CPSF6: variants seen among roughly 807,000 people sequenced by gnomAD.
CPSF6 encodes cleavage and polyadenylation specific factor 6.
Under a neutral mutation model 56.7 loss-of-function variants are expected in CPSF6, and 10 were observed. The observed-to-expected ratio is 0.18, with a 90% CI of 0.11 to 0.30. CPSF6 has a LOEUF of 0.30. Ranked by LOEUF, CPSF6 falls within the 10% of genes least tolerant of loss-of-function variation. CPSF6 has a pLI of 1.00. For synonymous variants in CPSF6, 248 were observed against 244.8 expected (o/e 1.01, Z -0.12); for missense variants, 419 against 722.9 (o/e 0.58, Z 4.82).
intron 9 of CPSF6, among the ~76,000 whole-genome samples, chr12:69,265,001 A>ATGG (rs1872906994): frequency 6.6e-6 from 1 of 152,162 alleles, no homozygotes; most frequent in Admixed American, 6.5e-5. Context: ...AGTGATGATG[A>ATGG]ATGGCTAAAA....
intron 9 of CPSF6, among the ~76,000 whole-genome samples, chr12:69,263,966 A>G (rs1404415958): frequency 6.6e-6 from 1 of 152,070 alleles, no homozygotes; most frequent in Non-Finnish European, 1.5e-5. Flanking sequence ...AATATGAGGC[A>G]AAAAAACCTT....
intron 1 of CPSF6, among the ~76,000 whole-genome samples, chr12:69,241,627 T>C (rs1871627053): frequency 6.6e-6 from 1 of 152,220 alleles, no homozygotes; most frequent in Non-Finnish European, 1.5e-5. Flanking sequence ...TGGATTCTTA[T>C]CCCTGTGCAG....
At chr12:69,248,345 A>G (rs900313277) in intron 1 of CPSF6, among the ~76,000 whole-genome samples, 4 of 152,098 alleles carry the variant, frequency 2.6e-5, no homozygotes, top group Non-Finnish European at 5.9e-5. Context: ...CTCAGACCAT[A>G]TATTGTGATT....
intron 9 of CPSF6, among the ~76,000 whole-genome samples, chr12:69,265,376 C>G (rs926872787): frequency 2.4e-4 from 37 of 152,072 alleles, no homozygotes; most frequent in African/African-American, 7.5e-4. Flanking sequence ...GGTTACGTTC[C>G]TCTTGTCACT....
At chr12:69,255,287 A>G (rs1872454607) in intron 3 of CPSF6, 1 of 152,182 alleles carries the variant, frequency 6.6e-6, no homozygotes, top group Admixed American at 6.5e-5. Flanking sequence ...CTATCAGTCG[A>G]TGGACGTCTA....
intron 1 of CPSF6, among the ~76,000 whole-genome samples, chr12:69,248,365 G>T (rs75737671): frequency 0.039 from 5,910 of 152,156 alleles, 159 homozygotes; most frequent in Non-Finnish European, 0.064. Flanking sequence ...TATAGTTTCT[G>T]CTGAGGAGGA....
intron 9 of CPSF6, among the ~76,000 whole-genome samples, chr12:69,263,316 CATT>C (rs1872829667): frequency 6.6e-6 from 1 of 151,974 alleles, no homozygotes; most frequent in Non-Finnish European, 1.5e-5. Flanking sequence ...AAATCATAAT[CATT>C]GTCTTTTTTT....
intron 1 of CPSF6, among the ~76,000 whole-genome samples, chr12:69,240,374 A>G (rs544378794): frequency 6.6e-6 from 1 of 152,216 alleles, no homozygotes; most frequent in African/African-American, 2.4e-5. Flanking sequence ...ATTTGCAACA[A>G]GTCCTTTGAC....
At position 69,258,710 on chromosome 12, in the gene CPSF6, G is replaced by A. The variant is rs1451582136; in HGVS notation, c.815G>A (p.Arg272His). The change falls in exon 6 of 10, where the codon CGC becomes CAC. Residue 272 changes from arginine (R) to histidine (H), a missense_variant. Physicochemically the swap from Arg to His is conservative, Grantham distance 29 (BLOSUM62 0). Coordinates refer to ENST00000435070, the MANE Select transcript of CPSF6 (RefSeq NM_007007.3). This position sits in a 1 kb window ranked among gnomAD's most constrained non-coding sequence, Gnocchi z 4.2. ...GCTGGGCCTCCTAATCGAGGAGATCGCCCTCCACCACCAGTTCTTTTTCCT... is the reference window on the plus strand; with the variant it reads ...GCTGGGCCTCCTAATCGAGGAGATCACCCTCCACCACCAGTTCTTTTTCCT... ...PLAGPPNRGD[R>H]PPPPVLFPGQ... 3.7e-6 allele frequency: 6 copies of A among 1,613,792 alleles called. No homozygotes were observed. Among genetic ancestry groups the A allele is most frequent in the Non-Finnish European group, 3.4e-6 (4 of 1,179,954 alleles).
intron 9 of CPSF6, among the ~76,000 whole-genome samples, chr12:69,266,021 A>G (rs1872963659): frequency 9.8e-6 from 1 of 101,572 alleles, no homozygotes; most frequent in South Asian, 4.0e-4. Flanking sequence ...GCTTTGTGTT[A>G]ATTTTGAAAA....
At chr12:69,259,817 T>C (rs1013295179) in intron 7 of CPSF6, among the ~76,000 whole-genome samples, 1 of 152,200 alleles carries the variant, frequency 6.6e-6, no homozygotes, top group Non-Finnish European at 1.5e-5. Flanking sequence ...TATTCTTATA[T>C]TTGCAAAATG....
Position 69,259,513 on chromosome 12 carries a change from A to G in CPSF6, c.1285A>G (p.Ile429Val). ...NRNRAISSSA[I>V]SRAVSDASAG... ...AAATAGGGCAATCTCAAGCAGTGCTATTTCGAGAGCTGTGTCTGATGCCAG... is the reference window on the plus strand; with the variant it reads ...AAATAGGGCAATCTCAAGCAGTGCTGTTTCGAGAGCTGTGTCTGATGCCAG... Residue 429 changes from isoleucine (I) to valine (V), a missense_variant, in exon 7 of 10, where the codon ATT (isoleucine) becomes GTT (valine). Ile to Val is a conservative substitution (Grantham distance 29). Around this residue, in one of 4 missense-constraint regions of CPSF6, gnomAD observed 81 missense variants for 193.6 expected, o/e 0.42. Transcript: ENST00000435070. 6.2e-7 allele frequency: 1 copy of G among 1,613,572 alleles called. No homozygotes were observed. The highest frequency in any genetic ancestry group is 1.1e-5 in the South Asian group (1 of 90,958).
At chr12:69,247,672 T>C (rs182100108) in intron 1 of CPSF6, among the ~76,000 whole-genome samples, 83 of 152,338 alleles carry the variant, frequency 5.4e-4, no homozygotes, top group African/African-American at 1.7e-3. Context: ...ACCTGTGATA[T>C]ACATTTTGCA....
chr12:69,242,427 G>A (rs750481892), intron 1 of CPSF6, among the ~76,000 whole-genome samples: 11 of 152,264 alleles, frequency 7.2e-5, no homozygotes, highest in Non-Finnish European at 7.4e-5. Context: ...AAAAAAGTGA[G>A]GCATTCAACA....
At chr12:69,264,932 C>G (rs1458133601) in intron 9 of CPSF6, among the ~76,000 whole-genome samples, 1 of 152,034 alleles carries the variant, frequency 6.6e-6, no homozygotes, top group African/African-American at 2.4e-5. Flanking sequence ...GATTTGAAAG[C>G]TAAAGTGAAT....
chr12:69,242,576 T>C (rs1481225470), intron 1 of CPSF6, among the ~76,000 whole-genome samples: 1 of 152,184 alleles, frequency 6.6e-6, no homozygotes, highest in Admixed American at 6.5e-5. Flanking sequence ...CTACTCCTTA[T>C]GGGTTCTCTT....
intron 9 of CPSF6, among the ~76,000 whole-genome samples, chr12:69,264,634 A>G (rs988441963): frequency 6.6e-6 from 1 of 152,154 alleles, no homozygotes; most frequent in Non-Finnish European, 1.5e-5. Flanking sequence ...GAGTTGTAAT[A>G]CTGTATGTGC....
intron 6 of CPSF6, 96 bp from the exon 7 acceptor site, chr12:69,259,332 A>G (rs943327381): frequency 3.5e-6 from 5 of 1,440,732 alleles, no homozygotes; most frequent in Admixed American, 2.3e-5. Flanking sequence ...TCTAAAGCAC[A>G]TGTCAGAAGC....
At chr12:69,243,435 A>G (rs1181317671) in intron 1 of CPSF6, among the ~76,000 whole-genome samples, 1 of 152,240 alleles carries the variant, frequency 6.6e-6, no homozygotes, top group Non-Finnish European at 1.5e-5. Flanking sequence ...ATTTGTGATC[A>G]TAGAGTGCTT....
Sources: allele counts gnomAD v4.1 joint callset (sites outside exome capture counted in the v4.1 genomes callset), GRCh38; gene constraint gnomAD v4.1.1; regional missense constraint gnomAD v4.1.1; non-coding constraint Gnocchi (gnomAD v3.1); transcripts MANE v1.5; gene names NCBI Gene and HGNC (gene_info 2026-07-23, HGNC 2026-07-21).